The following MATN2 variants were observed in gnomAD, a reference collection of about 807,000 sequenced individuals.
MATN2 encodes the protein matrilin 2.
Under a neutral mutation model 103.2 loss-of-function variants are expected in MATN2, and 69 were observed. The observed-to-expected ratio is 0.67, with a 90% CI of 0.55 to 0.82. The LOEUF (loss-of-function observed/expected upper bound fraction) is 0.82. MATN2 is among the 40% of genes least tolerant of loss of function. The probability of loss-of-function intolerance (pLI) is 0.00; values close to 1 mark genes in which losing one functional copy is unlikely to be tolerated. For synonymous variants in MATN2, 429 were observed against 450.2 expected, an observed-to-expected ratio of 0.95 and a Z score of 0.60; for missense variants, 1,023 against 1,211.5, an observed-to-expected ratio of 0.84 and a Z score of 2.31.
At chr8:97,882,638 T>G (rs892492615) in intron 1 of MATN2, among the ~76,000 whole-genome samples, 2 of 152,160 alleles carry the variant, frequency 1.3e-5, no homozygotes, top group African/African-American at 4.8e-5. Flanking sequence ...CAGCATGACC[T>G]GCTTACCTTG....
At chr8:97,975,637 G>A (rs114604365) in intron 5 of MATN2, among the ~76,000 whole-genome samples, 1,535 of 152,254 alleles carry the variant, frequency 0.01, 28 homozygotes, top group African/African-American at 0.034. Context: ...TCTTTGTAGG[G>A]GATACTAAGA....
chr8:97,876,717 G>C (rs912919732), intron 1 of MATN2, among the ~76,000 whole-genome samples: 5 of 152,112 alleles, frequency 3.3e-5, no homozygotes, highest in African/African-American at 1.2e-4. Context: ...TGTGTAACCA[G>C]CATTTTGATC....
At chr8:97,873,560 G>A (rs1817968414) in intron 1 of MATN2, among the ~76,000 whole-genome samples, 1 of 152,016 alleles carries the variant, frequency 6.6e-6, no homozygotes, top group South Asian at 2.1e-4. Flanking sequence ...TCAAACTCTT[G>A]ACCTCATGAT....
In MATN2 at chr8:97,888,183, G is replaced by T. The variant is rs755612604; in HGVS notation, c.83G>T (p.Arg28Leu). 2 of 1,605,958 alleles carry T rather than the reference G, an allele frequency of 1.2e-6. No homozygotes were observed. The highest frequency in any genetic ancestry group is 1.1e-5 in the South Asian group (1 of 89,862). ...CCTGCCGAGGCCAGGGAGCGGTCAC[G>T]TGGGAGGTCCATCTCTAGGGGCAGA... ...LLPAEARERS[R>L]GRSISRGRHA... Residue 28 changes from arginine to leucine, a missense_variant, in exon 2 of 19, where the codon CGT becomes CTT. Arg to Leu is a moderately radical substitution (Grantham distance 102). Transcript: ENST00000254898.
intron 2 of MATN2, among the ~76,000 whole-genome samples, chr8:97,918,251 G>A (rs1488026639): frequency 2.6e-5 from 4 of 152,086 alleles, no homozygotes; most frequent in East Asian, 3.9e-4. Context: ...CTCTACAGTC[G>A]CCTCTATACT....
intron 5 of MATN2, among the ~76,000 whole-genome samples, chr8:97,961,896 G>A (rs1218682611): frequency 6.6e-6 from 1 of 152,160 alleles, no homozygotes; most frequent in African/African-American, 2.4e-5. Context: ...ATTTACTTGG[G>A]TGGGTTGCTG....
At chr8:97,887,937 C>G in intron 1 of MATN2, 138 bp from the exon 2 acceptor site, 1 of 768,674 alleles carries the variant, frequency 1.3e-6, no homozygotes, top group Non-Finnish European at 2.0e-6. Flanking sequence ...TCTCAAAGGC[C>G]AAACACACAA....
chr8:97,995,976 C>G (rs2130359521), intron 7 of MATN2, among the ~76,000 whole-genome samples: 1 of 152,346 alleles, frequency 6.6e-6, no homozygotes, highest in Middle Eastern at 3.4e-3. Flanking sequence ...CTTTTCTGGT[C>G]TGGCCACTCC....
chr8:97,890,450 G>C (rs1214967689), intron 2 of MATN2, among the ~76,000 whole-genome samples: 1 of 147,622 alleles, frequency 6.8e-6, no homozygotes, highest in Non-Finnish European at 1.5e-5. Flanking sequence ...GGGTGACAGA[G>C]TGAGACTCTG....
chr8:97,901,684 G>A, intron 2 of MATN2, among the ~76,000 whole-genome samples: 1 of 152,180 alleles, frequency 6.6e-6, no homozygotes, highest in South Asian at 2.1e-4. Flanking sequence ...TCAGGCCAGG[G>A]TCACATCTGG....
At chr8:97,909,496 T>TC (rs1259266382) in intron 2 of MATN2, among the ~76,000 whole-genome samples, 1 of 152,028 alleles carries the variant, frequency 6.6e-6, no homozygotes, top group East Asian at 1.9e-4. Context: ...TTTAGATGAG[T>TC]CGGGGGAAGG....
At chr8:97,918,907 A>G (rs1809721068) in intron 2 of MATN2, among the ~76,000 whole-genome samples, 1 of 152,138 alleles carries the variant, frequency 6.6e-6, no homozygotes, top group African/African-American at 2.4e-5. Flanking sequence ...CCTCATCTAC[A>G]AGTGGAGGGT....
At chr8:97,933,088 G>C (rs1253633500) in intron 3 of MATN2, among the ~76,000 whole-genome samples, 1 of 152,170 alleles carries the variant, frequency 6.6e-6, no homozygotes, top group East Asian at 1.9e-4. Context: ...ACTTCAAAAA[G>C]CACAGAGATC....
intron 1 of MATN2, among the ~76,000 whole-genome samples, chr8:97,878,746 G>T (rs564266633): frequency 1.3e-5 from 2 of 152,156 alleles, no homozygotes; most frequent in East Asian, 3.9e-4. Flanking sequence ...AGCTACTTGG[G>T]AGGCTGAGGC....
chr8:97,999,868 T>A (rs551388546), intron 7 of MATN2, among the ~76,000 whole-genome samples: 1 of 151,694 alleles, frequency 6.6e-6, no homozygotes, highest in East Asian at 1.9e-4. Flanking sequence ...ATTCTTTTTT[T>A]TTTTTTTTTT....
At chr8:97,955,632 A>G (rs1232821446) in intron 4 of MATN2, among the ~76,000 whole-genome samples, 1 of 152,228 alleles carries the variant, frequency 6.6e-6, no homozygotes, top group Non-Finnish European at 1.5e-5. Flanking sequence ...ATAGATGGCT[A>G]CTAAGCACCA....
At chr8:97,938,894 A>G (rs1024673816) in intron 3 of MATN2, among the ~76,000 whole-genome samples, 1 of 151,792 alleles carries the variant, frequency 6.6e-6, no homozygotes, top group African/African-American at 2.4e-5. Flanking sequence ...TTGTTTGTTT[A>G]TTTTTTGAGA....
intron 2 of MATN2, among the ~76,000 whole-genome samples, chr8:97,905,979 A>G (rs1819157149): frequency 6.6e-6 from 1 of 152,184 alleles, no homozygotes; most frequent in South Asian, 2.1e-4. Flanking sequence ...GCTATTGTGA[A>G]TAAGGCTGCT....
chr8:97,894,078 G>T lies in MATN2; in HGVS notation c.142+5836G>T, dbSNP rs193098492. 1.5e-4 allele frequency among the ~76,000 whole-genome samples: 23 copies of T among 152,292 alleles called. No homozygotes were observed. In the East Asian group the frequency reaches 4.4e-3, roughly 29 times the overall value. ...CAGAAGTTATGTTTGTGTTTTAAGAGAGCATTTTGTGGCAATATGGCATCA... is the reference window on the plus strand; with the variant it reads ...CAGAAGTTATGTTTGTGTTTTAAGATAGCATTTTGTGGCAATATGGCATCA... On this transcript the variant is annotated intron_variant, in intron 2 of 18. Transcript: ENST00000254898.
Sources: allele counts gnomAD v4.1 joint callset (sites outside exome capture counted in the v4.1 genomes callset), GRCh38; gene constraint gnomAD v4.1.1; transcripts MANE v1.5; gene names NCBI Gene and HGNC (gene_info 2026-07-23, HGNC 2026-07-21).